Variants in PCDHA7 observed in about 807,000 individuals in gnomAD.
The protein encoded by PCDHA7 is protocadherin alpha 7.
A neutral mutation model predicts 57.2 loss-of-function variants in PCDHA7; 37 were observed. The ratio of observed to expected loss-of-function variants is 0.65; its 90% CI spans 0.50 to 0.85. PCDHA7 has a LOEUF of 0.85. Ranked by LOEUF, PCDHA7 falls within the 40% of genes least tolerant of loss-of-function variation. PCDHA7 has a pLI of 0.00. For missense variants in PCDHA7, 1,188 were observed against 1,241.8 expected (o/e 0.96, Z 0.65); for synonymous variants, 553 against 558.8 (o/e 0.99, Z 0.15).
At chr5:140,948,447 A>G (rs2094256090) in intron 1 of PCDHA7, among the ~76,000 whole-genome samples, 1 of 151,282 alleles carries the variant, frequency 6.6e-6, no homozygotes, top group Non-Finnish European at 1.5e-5. Flanking sequence ...TGTGCCAGGG[A>G]TTTTCTTTTA....
chr5:140,957,021 T>C (rs1431974405), intron 1 of PCDHA7, among the ~76,000 whole-genome samples: 3 of 152,182 alleles, frequency 2.0e-5, no homozygotes, highest in Non-Finnish European at 2.9e-5. Context: ...AGTGAGCATT[T>C]AGATATTTAT....
chr5:140,966,938 G>A (rs1159097726), intron 1 of PCDHA7: 1 of 1,604,146 alleles, frequency 6.2e-7, no homozygotes, highest in African/African-American at 1.3e-5. Context: ...CGGCGCGCTC[G>A]TGGGCAACGT....
intron 1 of PCDHA7, among the ~76,000 whole-genome samples, chr5:140,940,131 G>A (rs1443086111): frequency 7.2e-5 from 11 of 152,092 alleles, no homozygotes; most frequent in African/African-American, 2.4e-4. Context: ...ATTTCTGCTA[G>A]TGATAAACTA....
At chr5:140,915,572 C>T (rs2077180575) in intron 1 of PCDHA7, among the ~76,000 whole-genome samples, 1 of 152,106 alleles carries the variant, frequency 6.6e-6, no homozygotes, top group Admixed American at 6.6e-5. Context: ...ATCTGGATTG[C>T]CAGGCAAAAG....
At chr5:140,966,737 G>A (rs1466161811) in intron 1 of PCDHA7, 4 of 1,420,882 alleles carry the variant, frequency 2.8e-6, no homozygotes, top group Non-Finnish European at 3.7e-6. Flanking sequence ...CTCCGGCCCT[G>A]CCCGGCTGCC....
intron 1 of PCDHA7, among the ~76,000 whole-genome samples, chr5:140,878,613 C>T (rs1413546987): frequency 1.3e-5 from 2 of 152,184 alleles, no homozygotes; most frequent in Admixed American, 6.5e-5. Context: ...TTCTAATGTG[C>T]ATTTTACATA....
At chr5:140,837,492 T>A (rs1775076857) in intron 1 of PCDHA7, among the ~76,000 whole-genome samples, 1 of 140,282 alleles carries the variant, frequency 7.1e-6, no homozygotes, top group Non-Finnish European at 1.5e-5. Flanking sequence ...TTACTTTACC[T>A]TTCTGAATTT....
intron 1 of PCDHA7, among the ~76,000 whole-genome samples, chr5:140,952,596 GTT>G (rs1246642070): frequency 6.6e-6 from 1 of 152,136 alleles, no homozygotes; most frequent in Non-Finnish European, 1.5e-5. Flanking sequence ...TCTCTAGGAA[GTT>G]CTAAGCTCTC....
At chr5:140,911,439 A>C (rs2075473101) in intron 1 of PCDHA7, among the ~76,000 whole-genome samples, 2 of 152,080 alleles carry the variant, frequency 1.3e-5, no homozygotes, top group Admixed American at 1.3e-4. Context: ...AATTTCCCGC[A>C]ATTTCAGCTC....
chr5:140,976,486 G>C (rs782708902), intron 1 of PCDHA7, among the ~76,000 whole-genome samples: 1 of 152,078 alleles, frequency 6.6e-6, no homozygotes, highest in Non-Finnish European at 1.5e-5. Flanking sequence ...GGGAGGCAGA[G>C]GTTGCAGGGA....
At chr5:140,859,755 T>C (rs1554152701) in intron 1 of PCDHA7, 1 of 153,726 alleles carries the variant, frequency 6.5e-6, no homozygotes, top group African/African-American at 2.4e-5. Flanking sequence ...TCTTTCAGTG[T>C]TAATACTCTC....
chr5:140,953,340 C>T (rs2094876353), intron 1 of PCDHA7, among the ~76,000 whole-genome samples: 1 of 152,066 alleles, frequency 6.6e-6, no homozygotes, highest in Non-Finnish European at 1.5e-5. Context: ...TAGGGCTCAC[C>T]TTCTTTTGTT....
At chr5:140,843,435 G>A (rs2150359827) in intron 1 of PCDHA7, 3 of 1,596,130 alleles carry the variant, frequency 1.9e-6, no homozygotes, top group Non-Finnish European at 2.6e-6. Flanking sequence ...ATCGCCATCT[G>A]CGCGGTATCC....
At chr5:140,870,885 C>T (rs782085408) in intron 1 of PCDHA7, 13 of 1,613,918 alleles carry the variant, frequency 8.1e-6, no homozygotes, top group African/African-American at 1.3e-5. Flanking sequence ...CGAAGGTGCG[C>T]GCAGTGGATG....
intron 1 of PCDHA7, among the ~76,000 whole-genome samples, chr5:140,958,381 T>G (rs1554223451): frequency 6.6e-6 from 1 of 152,280 alleles, no homozygotes; most frequent in South Asian, 2.1e-4. Context: ...GCTATTTTCT[T>G]AACAGGTCAT....
intron 1 of PCDHA7, among the ~76,000 whole-genome samples, chr5:140,878,873 T>A (rs1267188729): frequency 1.3e-5 from 2 of 152,248 alleles, no homozygotes; most frequent in African/African-American, 2.4e-5. Flanking sequence ...CATTTCAGCC[T>A]TTCAAGTAGC....
chr5:140,871,401 G>A (rs1400127439), intron 1 of PCDHA7: 4 of 1,614,086 alleles, frequency 2.5e-6, no homozygotes, highest in South Asian at 1.1e-5. Flanking sequence ...CACCTAAGAC[G>A]GACCTCATGG....
Position 140,857,640 on chromosome 5 carries a change from A to T in PCDHA7, c.2355+20902A>T, listed in dbSNP as rs1554150415. The T allele has an allele frequency of 1.3e-6, 2 of 1,596,722 alleles. 1 individual carries two copies. The highest frequency in any genetic ancestry group is 3.4e-5 in the Admixed American group (2 of 59,300). On this transcript the variant is annotated intron_variant, in intron 1 of 3. Coordinates refer to ENST00000525929, the MANE Select transcript of PCDHA7 (RefSeq NM_018910.3). The stretch of plus-strand genomic sequence containing the variant: ...GACCACGAGGAGCTGGAGCTGCTAC[A>T]GTTCCAGGTGAGCGCGCGCGATGGG...
At position 140,849,784 on chromosome 5, in the gene PCDHA7, G is replaced by A. The variant is rs2150449940; in HGVS notation, c.2355+13046G>A. The A allele has an allele frequency of 3.8e-6, 6 of 1,598,104 alleles. No homozygotes were observed. The East Asian group carries it at 1.3e-4, about 36-fold the overall frequency. ...GAGCTGGTGGTTACCGCGCGGGACG[G>A]GGGCTCGCCTTCACTGTGGGCCACG... On this transcript the variant is annotated intron_variant, in intron 1 of 3. Coordinates refer to ENST00000525929, the MANE Select transcript of PCDHA7 (RefSeq NM_018910.3).
Sources: gnomAD v4.1 joint callset for allele counts (sites outside exome capture counted in the v4.1 genomes callset) on GRCh38, gnomAD v4.1.1 for gene constraint, MANE v1.5 for transcripts, NCBI Gene and HGNC (gene_info 2026-07-23, HGNC 2026-07-21) for gene names.